Variants in TBC1D15 observed in about 807,000 individuals in gnomAD.
TBC1D15 encodes GAP for RAB7.
A neutral mutation model predicts 95.4 loss-of-function variants in TBC1D15; 39 were observed. That is an observed-to-expected ratio of 0.41 (90% confidence interval 0.32 to 0.53). TBC1D15 has a LOEUF of 0.53. Ranked by LOEUF, TBC1D15 falls within the 20% of genes least tolerant of loss-of-function variation. TBC1D15 has a pLI of 0.29. For synonymous variants in TBC1D15, 258 were observed against 261.3 expected (o/e 0.99, Z 0.12); for missense variants, 733 against 794.3 (o/e 0.92, Z 0.93).
Position 71,852,328 on chromosome 12 carries a change from C to T in TBC1D15, c.30+12517C>T, listed in dbSNP as rs537371674. ...AAGGAAACCATTTTTCCCTCCTATG[C>T]GTTGGTCCTGTGATGGGAATGGCTG... On this transcript the variant is annotated intron_variant, in intron 1 of 16. Transcript: ENST00000485960. 2.2e-4 allele frequency among the ~76,000 whole-genome samples: 33 copies of T among 152,298 alleles called. No homozygotes were observed. The East Asian group carries it at 4.1e-3, about 19-fold the overall frequency.
At chr12:71,884,031 A>T (rs1175803386) in intron 4 of TBC1D15, among the ~76,000 whole-genome samples, 3 of 152,168 alleles carry the variant, frequency 2.0e-5, no homozygotes, top group Non-Finnish European at 4.4e-5. Flanking sequence ...GTTTGAACTG[A>T]GGTCTTAATT....
At chr12:71,869,179 G>A (rs573413968) in intron 1 of TBC1D15, among the ~76,000 whole-genome samples, 74 of 152,168 alleles carry the variant, frequency 4.9e-4, no homozygotes, top group African/African-American at 1.5e-3. Context: ...AGATACGGAA[G>A]GAAAAATAAT....
At chr12:71,883,350 T>C (rs1040518100) in intron 4 of TBC1D15, among the ~76,000 whole-genome samples, 8 of 152,146 alleles carry the variant, frequency 5.3e-5, no homozygotes, top group African/African-American at 1.9e-4. Context: ...AGTAGTCAAG[T>C]GGGCACATGG....
intron 3 of TBC1D15, among the ~76,000 whole-genome samples, chr12:71,876,473 A>G (rs1488285482): frequency 2.0e-5 from 3 of 152,162 alleles, no homozygotes; most frequent in Admixed American, 6.5e-5. Context: ...AGATACTCTT[A>G]TCCCAGAGCC....
At chr12:71,856,306 T>G (rs1296359926) in intron 1 of TBC1D15, among the ~76,000 whole-genome samples, 1 of 152,186 alleles carries the variant, frequency 6.6e-6, no homozygotes, top group East Asian at 1.9e-4. Context: ...GGAAACTGAT[T>G]AGGCTATTCC....
intron 4 of TBC1D15, among the ~76,000 whole-genome samples, chr12:71,881,314 C>T (rs975334841): frequency 6.6e-6 from 1 of 151,930 alleles, no homozygotes; most frequent in Non-Finnish European, 1.5e-5. Flanking sequence ...GGTTTGTAGC[C>T]CAGAATTTCA....
intron 10 of TBC1D15, among the ~76,000 whole-genome samples, chr12:71,900,412 A>G (rs1899106627): frequency 6.6e-6 from 1 of 152,150 alleles, no homozygotes; most frequent in South Asian, 2.1e-4. Flanking sequence ...TTGGAACACT[A>G]AGCTTGTGGG....
In TBC1D15 at chr12:71,872,947, G is replaced by T; in HGVS notation, c.148G>T (p.Asp50Tyr). The change falls in exon 3 of 17, where the codon GAC (aspartate) becomes TAC (tyrosine). Residue 50 changes from aspartate (D) to tyrosine (Y), a missense_variant. Coordinates refer to ENST00000485960, the MANE Select transcript of TBC1D15 (RefSeq NM_001146213.3). Reference protein sequence around the residue: ...VLEKDAEVIVDWRPLDDALDS... With the variant: ...VLEKDAEVIVYWRPLDDALDS... ...TCTCTAGGATGCCGAAGTAATAGTGGACTGGAGACCATTGGATGATGCATT... is the reference window on the plus strand; with the variant it reads ...TCTCTAGGATGCCGAAGTAATAGTGTACTGGAGACCATTGGATGATGCATT... The T allele has an allele frequency of 6.2e-7, 1 of 1,608,580 alleles. No individual in the cohort carries two copies.
At position 71,924,007 on chromosome 12, in the gene TBC1D15, T is replaced by C. The variant is rs1223192893; in HGVS notation, c.*803T>C. ...ATTATGTTCAACCCTGTACCTGGTG[T>C]AATTTTAAAATTAATTGCTTGTAAC... On this transcript the variant is annotated 3_prime_UTR_variant, in exon 17 of 17. Transcript: ENST00000485960. 1 of 152,628 alleles carries C rather than the reference T, an allele frequency of 6.6e-6. No individual in the cohort carries two copies. Among genetic ancestry groups the C allele is most frequent in the Non-Finnish European group, 1.5e-5 (1 of 68,018 alleles). 9.5% of individuals were successfully genotyped at this position (152,628 alleles called of 1,614,324 possible).
At position 71,872,990 on chromosome 12, in the gene TBC1D15, T is replaced by C; in HGVS notation, c.191T>C (p.Leu64Pro). 1 of 1,605,842 alleles carries C rather than the reference T, an allele frequency of 6.2e-7. No homozygotes were observed. Among genetic ancestry groups the C allele is most frequent in the South Asian group, 1.1e-5 (1 of 89,620 alleles). Reference protein sequence around the residue: ...LDDALDSSSILYARKDSSSVV... With the variant: ...LDDALDSSSIPYARKDSSSVV... ...GATGCATTAGATTCCTCTAGTATTC[T>C]CTATGCTAGAAAGGTATTTAAGAAA... Residue 64 changes from leucine (L) to proline (P), a missense_variant, in exon 3 of 17, where the codon CTC becomes CCC. By Grantham distance (98) the Leu-to-Pro change is moderately conservative. Transcript: ENST00000485960.
intron 1 of TBC1D15, among the ~76,000 whole-genome samples, chr12:71,870,847 T>C (rs937556408): frequency 2.0e-5 from 3 of 152,180 alleles, no homozygotes; most frequent in Admixed American, 2.0e-4. Context: ...CCGTAAATGT[T>C]AGCTAAAAAC....
At chr12:71,869,035 A>G (rs1047830473) in intron 1 of TBC1D15, 2 of 152,230 alleles carry the variant, frequency 1.3e-5, no homozygotes, top group African/African-American at 4.8e-5. Flanking sequence ...TGGGATACAT[A>G]CAGATAGTAA....
intron 11 of TBC1D15, among the ~76,000 whole-genome samples, chr12:71,912,319 CT>C (rs1902579718): frequency 6.6e-6 from 1 of 152,058 alleles, no homozygotes; most frequent in South Asian, 2.1e-4. Flanking sequence ...TTGTCTGGTA[CT>C]GTAATAATTG....
intron 11 of TBC1D15, among the ~76,000 whole-genome samples, chr12:71,909,196 A>G (rs1028483106): frequency 2.6e-5 from 4 of 152,246 alleles, no homozygotes; most frequent in African/African-American, 7.2e-5. Context: ...AACATAGTCA[A>G]GCTTCCTGTG....
At chr12:71,854,950 A>C (rs1888688099) in intron 1 of TBC1D15, 1 of 430,534 alleles carries the variant, frequency 2.3e-6, no homozygotes, top group Non-Finnish European at 4.6e-6. Flanking sequence ...TTAAGACTTT[A>C]CATTTTGTGT....
chr12:71,896,285 A>G, intron 8 of TBC1D15: 3 of 459,434 alleles, frequency 6.5e-6, no homozygotes, highest in Non-Finnish European at 1.1e-5. Context: ...GGTGCTTATG[A>G]TGTTCCTGGG....
intron 1 of TBC1D15, among the ~76,000 whole-genome samples, chr12:71,870,206 A>G (rs1565978303): frequency 2.6e-5 from 4 of 152,178 alleles, no homozygotes; most frequent in Admixed American, 2.0e-4. Context: ...TAATTTTCCT[A>G]TTTGTGAATA....
intron 1 of TBC1D15, chr12:71,869,034 T>TACAGATAGTAAA (rs1198302936): frequency 6.6e-6 from 1 of 152,214 alleles, no homozygotes; most frequent in Non-Finnish European, 1.5e-5. Flanking sequence ...ATGGGATACA[T>TACAGATAGTAAA]ACAGATAGTA....
In TBC1D15 at chr12:71,921,368, C is replaced by T. The variant is rs1251855288; in HGVS notation, c.1717C>T (p.His573Tyr). The change falls in exon 16 of 17, where the codon CAT becomes TAT. Residue 573 changes from histidine to tyrosine, a missense_variant and splice_region_variant. Coordinates refer to ENST00000485960, the MANE Select transcript of TBC1D15 (RefSeq NM_001146213.3). ...ATTTTATTTTGTTGATACTTTTTAG[C>T]ATATCAATGAATTGTCCATGAAAAT... ...KHYGFNEILK[H>Y]INELSMKIDV... 9 of 1,540,550 alleles carry T rather than the reference C, an allele frequency of 5.8e-6. No homozygotes were observed. Among genetic ancestry groups the T allele is most frequent in the Non-Finnish European group, 7.9e-6 (9 of 1,134,144 alleles).
Sources: gnomAD v4.1 joint callset for allele counts (sites outside exome capture counted in the v4.1 genomes callset) on GRCh38, gnomAD v4.1.1 for gene constraint, MANE v1.5 for transcripts, NCBI Gene and HGNC (gene_info 2026-07-23, HGNC 2026-07-21) for gene names.